TASP1: variants seen among roughly 807,000 people sequenced by gnomAD.
TASP1 encodes the protein threonine aspartase 1.
Under a neutral mutation model 56.6 loss-of-function variants are expected in TASP1, and 16 were observed. That is an observed-to-expected ratio of 0.28 (90% CI 0.19 to 0.43). TASP1 has a LOEUF of 0.43. Among genes scored for constraint, TASP1 ranks in the 20% least tolerant of loss-of-function variants. The probability of loss-of-function intolerance (pLI) is 1.00; values close to 1 mark genes in which losing one functional copy is unlikely to be tolerated. For synonymous variants in TASP1, 179 were observed against 184.2 expected, an observed-to-expected ratio of 0.97 and a Z score of 0.23; for missense variants, 393 against 511.6, an observed-to-expected ratio of 0.77 and a Z score of 2.24.
intron 11 of TASP1, among the ~76,000 whole-genome samples, chr20:13,467,179 C>CATACA (rs1342189958): frequency 2.3e-5 from 2 of 88,192 alleles, no homozygotes; most frequent in Non-Finnish European, 4.3e-5. Flanking sequence ...AATTAACACA[C>CATACA]ATACAATACA....
the TASP1 span, among the ~76,000 whole-genome samples, chr20:13,291,345 C>A: frequency 2.0e-5 from 3 of 152,262 alleles, no homozygotes; most frequent in Middle Eastern, 3.4e-3. Context: ...TCGTTGATTC[C>A]CAGCTTTCCT....
chr20:13,224,505 A>T, the TASP1 span, among the ~76,000 whole-genome samples: 205 of 152,272 alleles, frequency 1.3e-3, 1 homozygote, highest in Admixed American at 0.011. Flanking sequence ...CATCATCTAA[A>T]TTTGTTGGTT....
At chr20:13,235,927 C>CTTT in the TASP1 span, among the ~76,000 whole-genome samples, 621 of 149,556 alleles carry the variant, frequency 4.2e-3, 7 homozygotes, top group African/African-American at 0.011. Context: ...TTGTACTTCC[C>CTTT]TTTTTTCTTT....
chr20:13,446,926 T>C (rs1201831526), intron 11 of TASP1, among the ~76,000 whole-genome samples: 1 of 152,170 alleles, frequency 6.6e-6, no homozygotes, highest in Non-Finnish European at 1.5e-5. Context: ...CTTTATTTAG[T>C]ATCCTATTGA....
chr20:13,216,446 C>T, the TASP1 span, among the ~76,000 whole-genome samples: 1 of 152,178 alleles, frequency 6.6e-6, no homozygotes, highest in Non-Finnish European at 1.5e-5. Context: ...TAGCTGTATA[C>T]ACGAAATTTT....
chr20:13,334,190 T>C, the TASP1 span, among the ~76,000 whole-genome samples: 2 of 152,054 alleles, frequency 1.3e-5, no homozygotes, highest in South Asian at 2.1e-4. Flanking sequence ...CAGAAATCCA[T>C]GGGTGTGAAA....
chr20:13,585,423 G>A (rs1489152597), intron 5 of TASP1, among the ~76,000 whole-genome samples: 1 of 152,116 alleles, frequency 6.6e-6, no homozygotes. Context: ...CATAGACTGG[G>A]AGAAGATATC....
intron 4 of TASP1, among the ~76,000 whole-genome samples, chr20:13,599,701 A>T (rs1035513592): frequency 3.9e-4 from 60 of 152,092 alleles, no homozygotes; most frequent in African/African-American, 1.2e-3. Flanking sequence ...AATGTAATTC[A>T]CCATATTAAG....
At chr20:13,473,042 G>A (rs1411841863) in intron 11 of TASP1, among the ~76,000 whole-genome samples, 2 of 151,952 alleles carry the variant, frequency 1.3e-5, no homozygotes, top group South Asian at 2.1e-4. Context: ...GCACACATAC[G>A]TTTATTTCAG....
chr20:13,412,739 C>T (rs1331719964), intron 13 of TASP1, among the ~76,000 whole-genome samples: 3 of 152,032 alleles, frequency 2.0e-5, no homozygotes, highest in Non-Finnish European at 2.9e-5. Context: ...CATGTTAGAA[C>T]ACAGTAGGTA....
At chr20:13,446,263 A>G (rs1180662785) in intron 11 of TASP1, among the ~76,000 whole-genome samples, 2 of 152,134 alleles carry the variant, frequency 1.3e-5, no homozygotes, top group Non-Finnish European at 2.9e-5. Context: ...ATACATCTCC[A>G]CAGACAATTT....
intron 4 of TASP1, among the ~76,000 whole-genome samples, chr20:13,615,512 T>C (rs1426847968): frequency 1.3e-5 from 2 of 150,772 alleles, no homozygotes; most frequent in African/African-American, 4.9e-5. Context: ...GTTTTTTTTT[T>C]TTTTTTTTTT....
At chr20:13,119,651 C>CT in the TASP1 span, among the ~76,000 whole-genome samples, 1 of 152,168 alleles carries the variant, frequency 6.6e-6, no homozygotes, top group Non-Finnish European at 1.5e-5. Flanking sequence ...CCACCTTTCT[C>CT]TGTCTTCTCT....
At chr20:13,268,426 T>C in the TASP1 span, among the ~76,000 whole-genome samples, 1 of 140,506 alleles carries the variant, frequency 7.1e-6, no homozygotes, top group African/African-American at 2.7e-5. Context: ...CAAACAATAA[T>C]ACATTTGGCC....
At chr20:13,146,526 C>T in the TASP1 span, among the ~76,000 whole-genome samples, 1 of 152,118 alleles carries the variant, frequency 6.6e-6, no homozygotes, top group Non-Finnish European at 1.5e-5. Flanking sequence ...TAATTAATGG[C>T]TTGCTAAAAT....
chr20:13,448,968 T>C (rs1458232261), intron 11 of TASP1, among the ~76,000 whole-genome samples: 2 of 152,132 alleles, frequency 1.3e-5, no homozygotes, highest in Non-Finnish European at 2.9e-5. Context: ...AGGATTGGTA[T>C]ATTTTTAGGT....
chr20:13,323,606 T>C, the TASP1 span, among the ~76,000 whole-genome samples: 1 of 152,250 alleles, frequency 6.6e-6, no homozygotes, highest in East Asian at 1.9e-4. Flanking sequence ...TCTCATTTAA[T>C]CTTTATAACT....
chr20:13,127,008 G>A, the TASP1 span, among the ~76,000 whole-genome samples: 3 of 152,224 alleles, frequency 2.0e-5, no homozygotes, highest in Non-Finnish European at 2.9e-5. Flanking sequence ...GTGCGCGCAC[G>A]TGAGCGTGCA....
the TASP1 span, among the ~76,000 whole-genome samples, chr20:13,109,455 G>T: frequency 1.3e-5 from 2 of 152,310 alleles, no homozygotes; most frequent in South Asian, 2.1e-4. Flanking sequence ...GAATGGAAAT[G>T]CTACTAGTAC....
Sources: gnomAD v4.1 joint callset for allele counts (sites outside exome capture counted in the v4.1 genomes callset) on GRCh38, gnomAD v4.1.1 for gene constraint, MANE v1.5 for transcripts, NCBI Gene and HGNC (gene_info 2026-07-23, HGNC 2026-07-21) for gene names.